Variants in EPHB1 observed in about 807,000 individuals in gnomAD.
EPHB1 encodes EPH receptor B1, also known as ephrin type-B receptor 1.
A neutral mutation model predicts 94.4 loss-of-function variants in EPHB1; 30 were observed. The observed-to-expected ratio is 0.32, with a 90% CI of 0.24 to 0.43. EPHB1 has a LOEUF of 0.43. Ranked by LOEUF, EPHB1 falls within the 20% of genes least tolerant of loss-of-function variation. EPHB1 has a pLI of 1.00. For missense variants in EPHB1, 1,055 were observed against 1,308.3 expected (o/e 0.81, Z 2.99); for synonymous variants, 522 against 489.1 (o/e 1.07, Z -0.89).
At chr3:135,153,890 C>T (rs191814792) in intron 5 of EPHB1, among the ~76,000 whole-genome samples, 1 of 152,290 alleles carries the variant, frequency 6.6e-6, no homozygotes, top group Admixed American at 6.5e-5. Context: ...GCCTTGCCAC[C>T]TCTGAAAGTC....
chr3:134,976,244 G>A (rs563625853), intron 3 of EPHB1, among the ~76,000 whole-genome samples: 1 of 152,320 alleles, frequency 6.6e-6, no homozygotes, highest in East Asian at 1.9e-4. Context: ...GATGTCATCT[G>A]AGAGATTCCA....
chr3:135,238,192 C>T (rs1338056972), intron 12 of EPHB1, among the ~76,000 whole-genome samples: 1 of 152,104 alleles, frequency 6.6e-6, no homozygotes, highest in Non-Finnish European at 1.5e-5. Context: ...AACAAAGTGC[C>T]CACTCTTGTG....
intron 10 of EPHB1, among the ~76,000 whole-genome samples, chr3:135,184,912 G>A (rs1942291066): frequency 6.6e-6 from 1 of 152,234 alleles, no homozygotes; most frequent in African/African-American, 2.4e-5. Flanking sequence ...AGTTTGATCA[G>A]TAGACTTGCC....
intron 3 of EPHB1, among the ~76,000 whole-genome samples, chr3:135,014,179 G>A (rs901764948): frequency 6.6e-6 from 1 of 152,130 alleles, no homozygotes; most frequent in African/African-American, 2.4e-5. Flanking sequence ...CTCCTGACTC[G>A]GGCTTTGATT....
At chr3:135,076,888 C>T (rs1186150948) in intron 3 of EPHB1, among the ~76,000 whole-genome samples, 1 of 151,984 alleles carries the variant, frequency 6.6e-6, no homozygotes, top group African/African-American at 2.4e-5. Flanking sequence ...ATGACAAATC[C>T]ACAGAAACAG....
chr3:134,844,018 G>A (rs1451639904), intron 1 of EPHB1, among the ~76,000 whole-genome samples: 2 of 152,288 alleles, frequency 1.3e-5, no homozygotes, highest in East Asian at 3.9e-4. Flanking sequence ...GCAACTCTGA[G>A]TGTTATTTTT....
intron 12 of EPHB1, among the ~76,000 whole-genome samples, chr3:135,236,317 TCG>T (rs1327715185): frequency 1.3e-5 from 2 of 152,098 alleles, no homozygotes; most frequent in African/African-American, 4.8e-5. Context: ...GTATTTTCAT[TCG>T]GCCTTCTTAT....
At chr3:135,118,492 T>C (rs1939804809) in intron 4 of EPHB1, among the ~76,000 whole-genome samples, 1 of 152,184 alleles carries the variant, frequency 6.6e-6, no homozygotes, top group Admixed American at 6.5e-5. Flanking sequence ...CTAAATGACT[T>C]GCCCGAGTTT....
intron 3 of EPHB1, among the ~76,000 whole-genome samples, chr3:135,072,692 C>G (rs920487552): frequency 2.6e-5 from 4 of 152,230 alleles, no homozygotes; most frequent in Non-Finnish European, 5.9e-5. Flanking sequence ...GTGGCTGGCT[C>G]TGACCTTGCT....
intron 11 of EPHB1, among the ~76,000 whole-genome samples, chr3:135,196,391 A>G (rs1942617256): frequency 6.6e-6 from 1 of 152,130 alleles, no homozygotes; most frequent in South Asian, 2.1e-4. Context: ...ACCTGGGGGC[A>G]TGAGAGGAGC....
chr3:134,902,658 A>T (rs62270285), intron 1 of EPHB1, among the ~76,000 whole-genome samples: 24,109 of 152,190 alleles, frequency 0.16, 2,576 homozygotes, highest in African/African-American at 0.3. Context: ...TGATAGTGGA[A>T]GTATAACTGT....
intron 2 of EPHB1, among the ~76,000 whole-genome samples, chr3:134,949,665 C>G (rs930673616): frequency 1.3e-5 from 2 of 152,146 alleles, no homozygotes; most frequent in Non-Finnish European, 2.9e-5. Context: ...ACCTTGATCA[C>G]CACTCCTAAA....
intron 10 of EPHB1, among the ~76,000 whole-genome samples, chr3:135,182,916 G>A (rs1010091486): frequency 1.3e-5 from 2 of 152,014 alleles, no homozygotes; most frequent in African/African-American, 2.4e-5. Context: ...ATGGGAATGG[G>A]CAAATGCTAC....
intron 3 of EPHB1, among the ~76,000 whole-genome samples, chr3:135,003,674 T>C (rs1035461214): frequency 6.6e-6 from 1 of 152,200 alleles, no homozygotes; most frequent in Non-Finnish European, 1.5e-5. Context: ...TTAGGATAGT[T>C]AGCTCTTCTT....
chr3:135,116,420 T>A (rs1310597638), intron 4 of EPHB1, among the ~76,000 whole-genome samples: 3 of 152,140 alleles, frequency 2.0e-5, no homozygotes, highest in Non-Finnish European at 4.4e-5. Flanking sequence ...CCAGATGGCC[T>A]TTTGGTCCCC....
chr3:134,906,508 A>T (rs2038333408), intron 1 of EPHB1, among the ~76,000 whole-genome samples: 2 of 152,270 alleles, frequency 1.3e-5, no homozygotes, highest in African/African-American at 4.8e-5. Flanking sequence ...CAAGTTTTAA[A>T]TATCACTGAT....
chr3:134,797,584 G>A (rs906996656), intron 1 of EPHB1, among the ~76,000 whole-genome samples: 3 of 152,192 alleles, frequency 2.0e-5, no homozygotes, highest in Non-Finnish European at 4.4e-5. Context: ...AGTTTGGAGA[G>A]CAAACGTATG....
intron 1 of EPHB1, among the ~76,000 whole-genome samples, chr3:134,803,102 C>T (rs926112975): frequency 4.6e-5 from 7 of 152,202 alleles, no homozygotes; most frequent in African/African-American, 1.4e-4. Context: ...GGAGGTTCCC[C>T]CAGAGTTCTC....
At chr3:135,003,107 T>C (rs1157288852) in intron 3 of EPHB1, among the ~76,000 whole-genome samples, 1 of 152,002 alleles carries the variant, frequency 6.6e-6, no homozygotes, top group Non-Finnish European at 1.5e-5. Flanking sequence ...GTGCTATAAA[T>C]TTCCCTCTAC....
Sources: gnomAD v4.1 joint callset for allele counts (sites outside exome capture counted in the v4.1 genomes callset) on GRCh38, gnomAD v4.1.1 for gene constraint, MANE v1.5 for transcripts, NCBI Gene and HGNC (gene_info 2026-07-23, HGNC 2026-07-21) for gene names.